PLCB1: variants seen among roughly 807,000 people sequenced by gnomAD.
The protein encoded by PLCB1 is 1-phosphatidylinositol 4,5-bisphosphate phosphodiesterase beta-1.
PLCB1 carries 46 observed loss-of-function variants against 161.8 expected under a neutral mutation model. That is an observed-to-expected ratio of 0.28 (90% confidence interval 0.22 to 0.36). The LOEUF (loss-of-function observed/expected upper bound fraction) is 0.36. Ranked by LOEUF, PLCB1 falls within the 10% of genes least tolerant of loss-of-function variation. The probability of loss-of-function intolerance (pLI) is 1.00; values close to 1 mark genes in which losing one functional copy is unlikely to be tolerated. For missense variants in PLCB1, 1,016 were observed against 1,472.5 expected (o/e 0.69, Z 5.07); for synonymous variants, 517 against 503.7 (o/e 1.03, Z -0.35).
At chr20:8,701,969 G>C (rs1978389330) in intron 11 of PLCB1, among the ~76,000 whole-genome samples, 1 of 152,152 alleles carries the variant, frequency 6.6e-6, no homozygotes, top group Non-Finnish European at 1.5e-5. Context: ...TAGCTACACT[G>C]CATAGTGCAG....
intron 3 of PLCB1, among the ~76,000 whole-genome samples, chr20:8,578,646 C>T (rs1346975758): frequency 6.6e-6 from 1 of 152,238 alleles, no homozygotes; most frequent in African/African-American, 2.4e-5. Context: ...ACAGCCTGTG[C>T]TTGTTCCCCC....
intron 3 of PLCB1, among the ~76,000 whole-genome samples, chr20:8,520,105 A>T (rs1367675205): frequency 6.6e-6 from 1 of 152,222 alleles, no homozygotes; most frequent in Non-Finnish European, 1.5e-5. Flanking sequence ...ATGATAAGAA[A>T]AGTCCCTTTA....
intron 31 of PLCB1, chr20:8,802,502 T>G (rs1984331444): frequency 3.8e-6 from 1 of 266,484 alleles, no homozygotes; most frequent in Admixed American, 5.5e-5. Context: ...GCACTCAGAC[T>G]ATTATTCCCA....
intron 3 of PLCB1, among the ~76,000 whole-genome samples, chr20:8,376,086 C>T (rs571945392): frequency 2.0e-5 from 3 of 152,268 alleles, no homozygotes; most frequent in South Asian, 2.1e-4. Flanking sequence ...CCACAGGGAG[C>T]GACCTCAGGG....
Position 8,188,913 on chromosome 20 carries a change from G to A in PLCB1, c.177+38542G>A, listed in dbSNP as rs527564005. On this transcript the variant is annotated intron_variant, in intron 2 of 31. Transcript: ENST00000338037. ...TGATTGATGACATTGTGATTTGATA[G>A]GTAATTCAAATATTTTGTAAGTGTT... is the stretch of plus-strand genomic sequence containing the variant. Among the ~76,000 whole-genome samples the A allele has an allele frequency of 1.1e-4, 16 of 152,174 alleles. No homozygotes were observed. The South Asian group carries it at 3.1e-3, about 30-fold the overall frequency.
At chr20:8,600,444 G>A (rs1194207034) in intron 3 of PLCB1, among the ~76,000 whole-genome samples, 2 of 148,304 alleles carry the variant, frequency 1.3e-5, no homozygotes, top group East Asian at 4.0e-4. Flanking sequence ...ACTTGAGGAG[G>A]CAGTCTGCCC....
chr20:8,772,002 C>G (rs1982710373), intron 26 of PLCB1, among the ~76,000 whole-genome samples: 1 of 151,536 alleles, frequency 6.6e-6, no homozygotes, highest in South Asian at 2.1e-4. Context: ...CTGCCACAGA[C>G]TCCCGGGTAG....
chr20:8,369,478 G>A (rs1272549546), intron 2 of PLCB1, among the ~76,000 whole-genome samples: 1 of 152,176 alleles, frequency 6.6e-6, no homozygotes, highest in Non-Finnish European at 1.5e-5. Context: ...CTCATGTCTG[G>A]TTTTTCCACC....
At chr20:8,435,930 AAGGATAGATTGTAATGATGCC>A (rs1980280474) in intron 3 of PLCB1, among the ~76,000 whole-genome samples, 1 of 152,204 alleles carries the variant, frequency 6.6e-6, no homozygotes, top group South Asian at 2.1e-4. Context: ...AGGCATCTTT[AAGGATAGATTGTAATGATGCC>A]AGGTGATTCC....
At chr20:8,777,731 A>G (rs1487467672) in intron 27 of PLCB1, among the ~76,000 whole-genome samples, 2 of 151,716 alleles carry the variant, frequency 1.3e-5, no homozygotes, top group Admixed American at 6.6e-5. Context: ...AAAAAAAAAA[A>G]AAGAAGTCTG....
chr20:8,187,296 C>G (rs145103316), intron 2 of PLCB1, among the ~76,000 whole-genome samples: 245 of 152,194 alleles, frequency 1.6e-3, no homozygotes, highest in African/African-American at 5.6e-3. Context: ...ACCCTTTATT[C>G]CTGTATTAGT....
chr20:8,737,798 C>T (rs191815664), intron 20 of PLCB1, among the ~76,000 whole-genome samples: 1 of 152,196 alleles, frequency 6.6e-6, no homozygotes, highest in South Asian at 2.1e-4. Context: ...AAAATATCTA[C>T]AAATCCAGTC....
chr20:8,649,498 C>A, intron 7 of PLCB1, 49 bp downstream of exon 7: 2 of 1,335,872 alleles, frequency 1.5e-6, no homozygotes, highest in Non-Finnish European at 2.2e-6. Context: ...CCCTCCAAAA[C>A]TCATGTTGAA....
chr20:8,474,299 A>G (rs916925646), intron 3 of PLCB1, among the ~76,000 whole-genome samples: 1 of 152,148 alleles, frequency 6.6e-6, no homozygotes, highest in Non-Finnish European at 1.5e-5. Flanking sequence ...ATAAAGCAAA[A>G]TGACATGCTA....
At chr20:8,493,233 T>C (rs1320293448) in intron 3 of PLCB1, among the ~76,000 whole-genome samples, 1 of 152,166 alleles carries the variant, frequency 6.6e-6, no homozygotes, top group African/African-American at 2.4e-5. Flanking sequence ...TTTCTCTCAT[T>C]TCTGGTCATC....
chr20:8,194,086 T>A (rs1377827916), intron 2 of PLCB1, among the ~76,000 whole-genome samples: 1 of 152,028 alleles, frequency 6.6e-6, no homozygotes, highest in Non-Finnish European at 1.5e-5. Flanking sequence ...TTGGTTTCTC[T>A]TATATCCAAG....
chr20:8,447,283 G>A (rs1423625006), intron 3 of PLCB1, among the ~76,000 whole-genome samples: 1 of 152,096 alleles, frequency 6.6e-6, no homozygotes, highest in Non-Finnish European at 1.5e-5. Flanking sequence ...TAGGGGCCTG[G>A]GTTTTACTCA....
intron 2 of PLCB1, among the ~76,000 whole-genome samples, chr20:8,274,722 T>A (rs1034088031): frequency 1.1e-4 from 16 of 152,182 alleles, no homozygotes; most frequent in African/African-American, 3.9e-4. Context: ...TTTTATGAGA[T>A]CTTCCATGTT....
At chr20:8,448,117 G>T (rs896661350) in intron 3 of PLCB1, among the ~76,000 whole-genome samples, 1 of 152,216 alleles carries the variant, frequency 6.6e-6, no homozygotes, top group Non-Finnish European at 1.5e-5. Flanking sequence ...ATTTCTTCAA[G>T]AAACTGTTTG....
Sources: gnomAD v4.1 joint callset for allele counts (sites outside exome capture counted in the v4.1 genomes callset) on GRCh38, gnomAD v4.1.1 for gene constraint, MANE v1.5 for transcripts, NCBI Gene and HGNC (gene_info 2026-07-23, HGNC 2026-07-21) for gene names.